Variants in TNFRSF11A observed in about 807,000 individuals in gnomAD.
The protein encoded by TNFRSF11A is tumor necrosis factor receptor superfamily member 11A.
In TNFRSF11A, 32 loss-of-function variants were observed where a neutral mutation model predicts 55.7. The observed-to-expected ratio is 0.57, with a 90% CI of 0.43 to 0.77. The LOEUF (loss-of-function observed/expected upper bound fraction) is 0.77, where lower values mean the gene tolerates loss of function less well. Among genes scored for constraint, TNFRSF11A ranks in the 30% least tolerant of loss-of-function variants. The pLI is 0.00. For missense variants in TNFRSF11A, 753 were observed against 809.8 expected, an observed-to-expected ratio of 0.93 and a Z score of 0.85; for synonymous variants, 311 against 331.0, an observed-to-expected ratio of 0.94 and a Z score of 0.65.
At chr18:62,331,621 G>A (rs2046155461) in intron 1 of TNFRSF11A, among the ~76,000 whole-genome samples, 1 of 152,206 alleles carries the variant, frequency 6.6e-6, no homozygotes, top group South Asian at 2.1e-4. Flanking sequence ...ACTGAAGAGA[G>A]ATAAACAGCC....
chr18:62,373,579 C>T (rs951706909), intron 9 of TNFRSF11A, among the ~76,000 whole-genome samples: 1 of 152,178 alleles, frequency 6.6e-6, no homozygotes, highest in Admixed American at 6.5e-5. Flanking sequence ...AATAGATGAA[C>T]ATGAGACCAC....
chr18:62,350,315 C>T (rs1351507133), intron 3 of TNFRSF11A, among the ~76,000 whole-genome samples: 3 of 152,030 alleles, frequency 2.0e-5, no homozygotes, highest in South Asian at 2.1e-4. Flanking sequence ...TTATTTGAGA[C>T]GGAGTCTCGC....
At chr18:62,338,395 G>A (rs1341468829) in intron 1 of TNFRSF11A, among the ~76,000 whole-genome samples, 1 of 152,216 alleles carries the variant, frequency 6.6e-6, no homozygotes, top group Non-Finnish European at 1.5e-5. Context: ...ATTCACTGTA[G>A]CCAAAAGGTA....
At chr18:62,361,229 A>G (rs886257507) in intron 6 of TNFRSF11A, among the ~76,000 whole-genome samples, 1 of 152,184 alleles carries the variant, frequency 6.6e-6, no homozygotes, top group African/African-American at 2.4e-5. Context: ...TGAAAACTAC[A>G]GAAATATTTC....
At chr18:62,367,139 C>T (rs1382498588) in intron 8 of TNFRSF11A, among the ~76,000 whole-genome samples, 8 of 152,212 alleles carry the variant, frequency 5.3e-5, no homozygotes, top group Admixed American at 2.6e-4. Flanking sequence ...CAGGAGCCAC[C>T]GCGCCCGGCC....
At chr18:62,335,026 CA>C (rs1401683581) in intron 1 of TNFRSF11A, among the ~76,000 whole-genome samples, 2 of 152,010 alleles carry the variant, frequency 1.3e-5, no homozygotes, top group African/African-American at 4.8e-5. Flanking sequence ...CTGTGGGTCA[CA>C]AGGTTTAAAA....
chr18:62,368,833 G>A lies in TNFRSF11A; in HGVS notation c.916G>A (p.Gly306Ser), dbSNP rs1910291687. The change falls in exon 9 of 10, where the codon GGT (glycine) becomes AGT (serine). Residue 306 changes from glycine (G) to serine (S), a missense_variant. By Grantham distance (56) the Gly-to-Ser change is moderately conservative. This residue lies in a region of TNFRSF11A where 567 missense variants were observed against 596.7 expected (regional missense o/e 0.95). Coordinates refer to ENST00000586569, the MANE Select transcript of TNFRSF11A (RefSeq NM_003839.4). ...PEDMCYPDQG[G>S]VCQGTCVGGG... ...AGATATGTGCTACCCAGATCAAGGT[G>A]GTGTCTGTCAGGGCACATGTGTAGG... is the stretch of plus-strand genomic sequence containing the variant. The A allele has an allele frequency of 6.2e-7, 1 of 1,614,112 alleles. No individual in the cohort carries two copies. The highest frequency in any genetic ancestry group is 1.3e-5 in the African/African-American group (1 of 74,942).
chr18:62,334,202 G>A (rs1568471652), intron 1 of TNFRSF11A, among the ~76,000 whole-genome samples: 2 of 152,116 alleles, frequency 1.3e-5, no homozygotes, highest in African/African-American at 2.4e-5. Context: ...GCAATGCTGT[G>A]TCTTTAAGGC....
chr18:62,326,038 C>T (rs2046070201), intron 1 of TNFRSF11A, among the ~76,000 whole-genome samples: 1 of 152,250 alleles, frequency 6.6e-6, no homozygotes, highest in Non-Finnish European at 1.5e-5. Flanking sequence ...GCTTCCCGGT[C>T]CTCTCGGAAC....
chr18:62,348,189 C>T lies in TNFRSF11A; in HGVS notation c.97C>T (p.Pro33Ser). The T allele has an allele frequency of 1.2e-6, 2 of 1,614,122 alleles. No homozygotes were observed. Among genetic ancestry groups the T allele is most frequent in the Non-Finnish European group, 1.7e-6 (2 of 1,180,020 alleles). Reference protein sequence around the residue: ...RLQVALQIAPPCTSEKHYEHL... With the variant: ...RLQVALQIAPSCTSEKHYEHL... The stretch of plus-strand genomic sequence containing the variant: ...TCAGGTGGCTTTGCAGATCGCTCCT[C>T]CATGTACCAGTGAGAAGCATTATGA... Residue 33 changes from proline (P) to serine (S), a missense_variant, in exon 2 of 10, where the codon CCA (proline) becomes TCA (serine). This residue lies in a region of TNFRSF11A where 156 missense variants were observed against 155.1 expected (regional missense o/e 1.01). Coordinates refer to ENST00000586569, the MANE Select transcript of TNFRSF11A (RefSeq NM_003839.4).
chr18:62,329,760 G>A (rs1302073622), intron 1 of TNFRSF11A, among the ~76,000 whole-genome samples: 3 of 152,070 alleles, frequency 2.0e-5, no homozygotes, highest in Non-Finnish European at 4.4e-5. Flanking sequence ...TCCTGCCTGC[G>A]AGACCAACCT....
chr18:62,366,508 T>C (rs1316422418), intron 7 of TNFRSF11A, among the ~76,000 whole-genome samples, 200 bp from the exon 8 acceptor site: 2 of 152,236 alleles, frequency 1.3e-5, no homozygotes, highest in Admixed American at 6.5e-5. Flanking sequence ...TTTTAGCGGA[T>C]CTTGCCACAC....
rs2046450200 is a variant in TNFRSF11A, at chr18:62,350,432, A to G, written c.283+495A>G. On this transcript the variant is annotated intron_variant, in intron 3 of 9. Coordinates refer to ENST00000586569, the MANE Select transcript of TNFRSF11A (RefSeq NM_003839.4). The stretch of plus-strand genomic sequence containing the variant: ...CTCAGCCTCCTGAGTAGCTGGGACT[A>G]CAGGCACCCCCCACCACGCCCAGCT... Among the ~76,000 whole-genome samples, 3 of 152,112 alleles carry G rather than the reference A, an allele frequency of 2.0e-5. No individual in the cohort carries two copies. In the South Asian group the frequency reaches 6.2e-4, roughly 32 times the overall value.
At chr18:62,357,052 T>C (rs57383943) in intron 4 of TNFRSF11A, among the ~76,000 whole-genome samples, 11,982 of 152,238 alleles carry the variant, frequency 0.079, 1,122 homozygotes, top group East Asian at 0.27. Context: ...AACTGGGCTC[T>C]TCTTAATAAA....
At chr18:62,326,708 A>G (rs1016946856) in intron 1 of TNFRSF11A, among the ~76,000 whole-genome samples, 1 of 152,210 alleles carries the variant, frequency 6.6e-6, no homozygotes, top group Non-Finnish European at 1.5e-5. Context: ...CTATCAAAAT[A>G]AGTTTATTTT....
chr18:62,342,270 TG>T (rs1259651883), intron 1 of TNFRSF11A, among the ~76,000 whole-genome samples: 2 of 151,260 alleles, frequency 1.3e-5, no homozygotes, highest in Non-Finnish European at 3.0e-5. Flanking sequence ...GGCATGGTGG[TG>T]GGCACCTGTG....
In TNFRSF11A at chr18:62,368,917, G is replaced by A. The variant is rs759786718; in HGVS notation, c.1000G>A (p.Glu334Lys). The A allele has an allele frequency of 6.8e-6, 11 of 1,614,134 alleles. No individual in the cohort carries two copies. Among genetic ancestry groups the A allele is most frequent in the African/African-American group, 2.7e-5 (2 of 74,936 alleles). ...ARMLSLVSKT[E>K]IEEDSFRQMP... is the part of the protein sequence containing the mutation. ...GATGCTCTCATTGGTCAGCAAGACCGAGATAGAGGAAGACAGCTTCAGACA... is the reference window on the plus strand; with the variant it reads ...GATGCTCTCATTGGTCAGCAAGACCAAGATAGAGGAAGACAGCTTCAGACA... Residue 334 changes from glutamate (E) to lysine (K), a missense_variant, in exon 9 of 10, where the codon GAG becomes AAG. Physicochemically the swap from Glu to Lys is moderately conservative, Grantham distance 56 (BLOSUM62 1). This residue lies in a region of TNFRSF11A where 567 missense variants were observed against 596.7 expected (regional missense o/e 0.95). Coordinates refer to ENST00000586569, the MANE Select transcript of TNFRSF11A (RefSeq NM_003839.4).
At chr18:62,334,980 C>A (rs749516427) in intron 1 of TNFRSF11A, among the ~76,000 whole-genome samples, 1 of 152,174 alleles carries the variant, frequency 6.6e-6, no homozygotes, top group African/African-American at 2.4e-5. Flanking sequence ...GAAAACACAG[C>A]TGGAACCTCT....
At chr18:62,343,383 C>G (rs1341745796) in intron 1 of TNFRSF11A, among the ~76,000 whole-genome samples, 1 of 152,154 alleles carries the variant, frequency 6.6e-6, no homozygotes, top group Non-Finnish European at 1.5e-5. Context: ...TCCATAATGA[C>G]TTGCACTACA....
Sources: gnomAD v4.1 joint callset for allele counts (sites outside exome capture counted in the v4.1 genomes callset) on GRCh38, gnomAD v4.1.1 for gene constraint, gnomAD v4.1.1 regional missense constraint, MANE v1.5 for transcripts, NCBI Gene and HGNC (gene_info 2026-07-23, HGNC 2026-07-21) for gene names.